The following UBE2E2 variants were observed in gnomAD, a reference collection of about 807,000 sequenced individuals.
UBE2E2 encodes ubiquitin conjugating enzyme E2 E2.
UBE2E2 carries 6 observed loss-of-function variants against 24.7 expected under a neutral mutation model. That is an observed-to-expected ratio of 0.24 (90% CI 0.13 to 0.48). The LOEUF (loss-of-function observed/expected upper bound fraction) is 0.48, where lower values mean the gene tolerates loss of function less well. Ranked by LOEUF, UBE2E2 falls within the 20% of genes least tolerant of loss-of-function variation. The pLI is 0.99. For missense variants in UBE2E2, 169 were observed against 245.0 expected (o/e 0.69, Z 2.07); for synonymous variants, 104 against 83.6 (o/e 1.24, Z -1.33).
At chr3:23,432,872 AATAG>A (rs1488754426) in intron 3 of UBE2E2, among the ~76,000 whole-genome samples, 1 of 151,864 alleles carries the variant, frequency 6.6e-6, no homozygotes, top group Non-Finnish European at 1.5e-5. Flanking sequence ...TAACAGATAT[AATAG>A]ATGTTAATAT....
At chr3:23,360,344 T>G (rs1188839260) in intron 3 of UBE2E2, among the ~76,000 whole-genome samples, 1 of 152,190 alleles carries the variant, frequency 6.6e-6, no homozygotes, top group African/African-American at 2.4e-5. Flanking sequence ...CCTTCCTTCC[T>G]TTGTGTAACA....
chr3:23,323,542 T>C (rs1351261950), intron 3 of UBE2E2: 1 of 452,752 alleles, frequency 2.2e-6, no homozygotes, highest in Non-Finnish European at 4.4e-6. Context: ...AAGGAAATGC[T>C]CATTCAATTC....
chr3:23,481,879 C>T (rs184876623), intron 3 of UBE2E2, among the ~76,000 whole-genome samples: 52 of 152,292 alleles, frequency 3.4e-4, no homozygotes, highest in Admixed American at 2.2e-3. Flanking sequence ...TCTGTAAAAT[C>T]TGTGTTTGTT....
At chr3:23,361,671 A>G (rs1696117241) in intron 3 of UBE2E2, among the ~76,000 whole-genome samples, 1 of 152,208 alleles carries the variant, frequency 6.6e-6, no homozygotes, top group African/African-American at 2.4e-5. Flanking sequence ...TGGGGACTCA[A>G]GGAAAGGTTG....
At chr3:23,401,333 A>G (rs538161870) in intron 3 of UBE2E2, among the ~76,000 whole-genome samples, 1 of 152,228 alleles carries the variant, frequency 6.6e-6, no homozygotes, top group African/African-American at 2.4e-5. Context: ...TGTAGCAGCT[A>G]CTGGTTATTG....
chr3:23,506,365 C>G (rs1005307808), intron 4 of UBE2E2, among the ~76,000 whole-genome samples: 1 of 152,222 alleles, frequency 6.6e-6, no homozygotes, highest in African/African-American at 2.4e-5. Flanking sequence ...GCCAGACCAG[C>G]TCCTCTAGTC....
At chr3:23,376,155 T>C (rs73823465) in intron 3 of UBE2E2, among the ~76,000 whole-genome samples, 1 of 152,186 alleles carries the variant, frequency 6.6e-6, no homozygotes, top group Non-Finnish European at 1.5e-5. Flanking sequence ...AGTTTGTAGT[T>C]TTCTTCCATT....
rs1219355527 is a variant in UBE2E2, at chr3:23,407,689, G to C, written c.228-91919G>C. ...TGTGTGTGTGTGTGTGTGTGTGTGTGTAGTATTTCAGAGAAAATCCCAGGC... is the reference window on the plus strand; with the variant it reads ...TGTGTGTGTGTGTGTGTGTGTGTGTCTAGTATTTCAGAGAAAATCCCAGGC... On this transcript the variant is annotated intron_variant, in intron 3 of 5. Transcript: ENST00000396703. This position sits in a 1 kb window ranked among gnomAD's most constrained non-coding sequence, Gnocchi z 4.0. 1.5e-5 allele frequency among the ~76,000 whole-genome samples: 2 copies of C among 136,654 alleles called. No individual in the cohort carries two copies. The highest frequency in any genetic ancestry group is 3.2e-5 in the Non-Finnish European group (2 of 63,314). The allele number at this position is 136,654 out of a possible 152,430, so 89.7% of individuals were successfully genotyped here. A position where few individuals can be genotyped will look rare whatever the true frequency, so the allele number is the denominator to read the frequency against.
intron 5 of UBE2E2, among the ~76,000 whole-genome samples, chr3:23,567,023 A>G (rs1696090800): frequency 6.6e-6 from 1 of 152,186 alleles, no homozygotes; most frequent in Non-Finnish European, 1.5e-5. Flanking sequence ...GTCTCTCACA[A>G]ATTTCCAGAC....
chr3:23,455,613 C>A (rs753059535), intron 3 of UBE2E2, among the ~76,000 whole-genome samples: 1 of 152,034 alleles, frequency 6.6e-6, no homozygotes, highest in Non-Finnish European at 1.5e-5. Context: ...ATCACTTGAG[C>A]CCAGGAGTTC....
chr3:23,406,848 C>T (rs1337691150), intron 3 of UBE2E2, among the ~76,000 whole-genome samples: 4 of 152,148 alleles, frequency 2.6e-5, no homozygotes, highest in Admixed American at 1.3e-4. Flanking sequence ...CACTTGATAC[C>T]TCCCTATTGA....
intron 3 of UBE2E2, among the ~76,000 whole-genome samples, chr3:23,445,811 T>C (rs1388014792): frequency 6.6e-6 from 1 of 152,168 alleles, no homozygotes; most frequent in Non-Finnish European, 1.5e-5. Flanking sequence ...GACTTATTTG[T>C]TGGCACATAG....
At chr3:23,438,412 C>T (rs1010977832) in intron 3 of UBE2E2, among the ~76,000 whole-genome samples, 1 of 152,278 alleles carries the variant, frequency 6.6e-6, no homozygotes, top group East Asian at 1.9e-4. Flanking sequence ...AGAAATAGTA[C>T]TCAAAATTAG....
intron 3 of UBE2E2, among the ~76,000 whole-genome samples, chr3:23,315,399 A>G (rs766708288): frequency 4.7e-5 from 7 of 148,932 alleles, no homozygotes; most frequent in Admixed American, 6.7e-5. Flanking sequence ...GATGAATTCT[A>G]TTATGAGACT....
At chr3:23,551,173 A>G (rs1277873916) in intron 5 of UBE2E2, among the ~76,000 whole-genome samples, 1 of 152,208 alleles carries the variant, frequency 6.6e-6, no homozygotes, top group Non-Finnish European at 1.5e-5. Flanking sequence ...AGTGTTCAAC[A>G]TTCCATAAAA....
chr3:23,252,536 G>A (rs986787464), intron 3 of UBE2E2, among the ~76,000 whole-genome samples: 6 of 152,030 alleles, frequency 3.9e-5, no homozygotes, highest in Middle Eastern at 3.2e-3. Flanking sequence ...TAGCTCTGGC[G>A]CCTAGGCTGG....
At chr3:23,475,588 GACTCCTAAACTCAGAAGGAGCC>G (rs1699112428) in intron 3 of UBE2E2, among the ~76,000 whole-genome samples, 1 of 152,006 alleles carries the variant, frequency 6.6e-6, no homozygotes, top group African/African-American at 2.4e-5. Flanking sequence ...TATGCAAAGT[GACTCCTAAACTCAGAAGGAGCC>G]AAGAAACCTA....
intron 5 of UBE2E2, among the ~76,000 whole-genome samples, chr3:23,561,431 A>G (rs1695927008): frequency 6.6e-6 from 1 of 151,960 alleles, no homozygotes; most frequent in South Asian, 2.1e-4. Context: ...ATTGGTCTAT[A>G]TCTCTGTTTT....
At chr3:23,585,882 A>AC (rs1321842405) in intron 5 of UBE2E2, among the ~76,000 whole-genome samples, 1 of 150,086 alleles carries the variant, frequency 6.7e-6, no homozygotes, top group Non-Finnish European at 1.5e-5. Context: ...ACAAAAAAAA[A>AC]AAATTATTTG....
Sources: allele counts gnomAD v4.1 joint callset (sites outside exome capture counted in the v4.1 genomes callset), GRCh38; gene constraint gnomAD v4.1.1; non-coding constraint Gnocchi (gnomAD v3.1); transcripts MANE v1.5; gene names NCBI Gene and HGNC (gene_info 2026-07-23, HGNC 2026-07-21).